The following CAMKMT variants were observed in gnomAD, a reference collection of about 807,000 sequenced individuals.
The protein encoded by CAMKMT is CaM KMT.
CAMKMT carries 53 observed loss-of-function variants against 48.0 expected under a neutral mutation model. That is an observed-to-expected ratio of 1.10 (90% CI 0.89 to 1.39). The LOEUF (loss-of-function observed/expected upper bound fraction) is 1.39, where lower values mean the gene tolerates loss of function less well. CAMKMT is among the 40% of genes most tolerant of loss of function. CAMKMT has a pLI of 0.00. For missense variants in CAMKMT, 428 were observed against 402.7 expected, an observed-to-expected ratio of 1.06 and a Z score of -0.54; for synonymous variants, 165 against 152.3, an observed-to-expected ratio of 1.08 and a Z score of -0.61.
chr2:44,461,732 T>G (rs1175661826), intron 3 of CAMKMT, among the ~76,000 whole-genome samples: 6 of 152,236 alleles, frequency 3.9e-5, no homozygotes, highest in Admixed American at 3.9e-4. Context: ...TCAAAATTTA[T>G]TTTGCTACAT....
chr2:44,368,728 G>C (rs190134896), intron 1 of CAMKMT, among the ~76,000 whole-genome samples: 88 of 151,956 alleles, frequency 5.8e-4, no homozygotes, highest in Non-Finnish European at 1.1e-3. Context: ...AGTTTAATTG[G>C]GCAAGATTGA....
intron 3 of CAMKMT, among the ~76,000 whole-genome samples, chr2:44,536,928 TA>T (rs1269657078): frequency 4.6e-5 from 7 of 151,954 alleles, no homozygotes; most frequent in Non-Finnish European, 7.4e-5. Flanking sequence ...GTCTCCTCAA[TA>T]AATGGTACTG....
intron 3 of CAMKMT, among the ~76,000 whole-genome samples, chr2:44,406,754 G>A (rs976056152): frequency 4.6e-5 from 7 of 152,128 alleles, no homozygotes; most frequent in African/African-American, 1.7e-4. Context: ...GCACTACCAG[G>A]CCCTGCTTGT....
chr2:44,396,280 C>G (rs1361363572), intron 3 of CAMKMT, among the ~76,000 whole-genome samples: 1 of 84,160 alleles, frequency 1.2e-5, no homozygotes, highest in East Asian at 2.1e-4. Flanking sequence ...TTTAAAGACC[C>G]TTTATTCAAA....
Position 44,743,706 on chromosome 2 carries a change from T to TA in CAMKMT, c.698+15dup. On this transcript the variant is annotated intron_variant, in intron 8 of 10. Transcript: ENST00000378494. ...TTATGTGTGCTGACTGGTAAGTACA[T>TA]AAAAATCACAAAACTCCTGTTAGAA... 2 of 1,602,734 alleles carry TA rather than the reference T, an allele frequency of 1.2e-6. No homozygotes were observed. The highest frequency in any genetic ancestry group is 1.7e-6 in the Non-Finnish European group (2 of 1,171,422).
At chr2:44,517,797 C>G (rs1418147990) in intron 3 of CAMKMT, among the ~76,000 whole-genome samples, 1 of 152,188 alleles carries the variant, frequency 6.6e-6, no homozygotes, top group Non-Finnish European at 1.5e-5. Flanking sequence ...TAGTTGACAT[C>G]TCTATCACAC....
At chr2:44,727,933 T>C (rs777517834) in intron 7 of CAMKMT, among the ~76,000 whole-genome samples, 10 of 152,160 alleles carry the variant, frequency 6.6e-5, no homozygotes, top group Non-Finnish European at 1.2e-4. Context: ...TATGCTTGTT[T>C]GTTTTTAGAG....
chr2:44,544,626 T>C (rs759674541), intron 3 of CAMKMT, among the ~76,000 whole-genome samples: 1 of 152,208 alleles, frequency 6.6e-6, no homozygotes, highest in Non-Finnish European at 1.5e-5. Flanking sequence ...TATCCAGTGC[T>C]AACATGTCAC....
intron 3 of CAMKMT, among the ~76,000 whole-genome samples, chr2:44,511,156 A>G (rs955110646): frequency 9.3e-5 from 14 of 151,136 alleles, no homozygotes; most frequent in Non-Finnish European, 2.1e-4. Flanking sequence ...TATCAATCTT[A>G]TGCCTTTTCA....
intron 3 of CAMKMT, among the ~76,000 whole-genome samples, chr2:44,556,182 A>C (rs917615072): frequency 1.3e-5 from 2 of 152,136 alleles, no homozygotes; most frequent in Non-Finnish European, 2.9e-5. Context: ...TCTGTCACCC[A>C]GGCTGGAGTG....
chr2:44,444,630 A>G (rs563143034), intron 3 of CAMKMT, among the ~76,000 whole-genome samples: 1 of 152,332 alleles, frequency 6.6e-6, no homozygotes, highest in East Asian at 1.9e-4. Flanking sequence ...TGTTCAAGTT[A>G]TACACACATA....
intron 3 of CAMKMT, among the ~76,000 whole-genome samples, chr2:44,446,378 G>A (rs75287965): frequency 0.055 from 8,398 of 151,924 alleles, 295 homozygotes; most frequent in South Asian, 0.14. Flanking sequence ...ACACAGTCTC[G>A]CTGTGTCACC....
chr2:44,600,056 T>G (rs1267321834), intron 3 of CAMKMT, among the ~76,000 whole-genome samples: 1 of 152,118 alleles, frequency 6.6e-6, no homozygotes, highest in Non-Finnish European at 1.5e-5. Flanking sequence ...TAAAAACCCA[T>G]GTTGGTTGAA....
At chr2:44,472,588 G>A (rs140392112) in intron 3 of CAMKMT, among the ~76,000 whole-genome samples, 9 of 152,188 alleles carry the variant, frequency 5.9e-5, no homozygotes, top group African/African-American at 2.2e-4. Context: ...AAAAATTTAT[G>A]GATGATACAA....
chr2:44,388,537 G>A (rs1024912181), intron 2 of CAMKMT, among the ~76,000 whole-genome samples: 13 of 152,232 alleles, frequency 8.5e-5, no homozygotes, highest in African/African-American at 1.2e-4. Context: ...GTCCGGATCC[G>A]TTGCTGGTTA....
intron 3 of CAMKMT, among the ~76,000 whole-genome samples, chr2:44,466,263 A>G (rs1269393945): frequency 6.6e-6 from 1 of 152,192 alleles, no homozygotes; most frequent in African/African-American, 2.4e-5. Flanking sequence ...TTCCAGTATA[A>G]ATCATGTTAG....
At chr2:44,638,056 AACC>A (rs200027310) in intron 3 of CAMKMT, among the ~76,000 whole-genome samples, 1,161 of 110,860 alleles carry the variant, frequency 0.01, 47 homozygotes, top group African/African-American at 0.026. Flanking sequence ...CTCCATCTCA[AACC>A]AAAAAAAAAA....
At chr2:44,753,446 AAAAC>A (rs1246463544) in intron 8 of CAMKMT, among the ~76,000 whole-genome samples, 1 of 151,988 alleles carries the variant, frequency 6.6e-6, no homozygotes, top group Non-Finnish European at 1.5e-5. Flanking sequence ...GAAAAGAAAA[AAAAC>A]AAAAAATCAA....
chr2:44,521,341 C>G (rs796294439), intron 3 of CAMKMT, among the ~76,000 whole-genome samples: 42 of 152,178 alleles, frequency 2.8e-4, no homozygotes, highest in Middle Eastern at 6.8e-3. Flanking sequence ...TGCAGTGGCA[C>G]AATCTCCACT....
Sources: allele counts gnomAD v4.1 joint callset (sites outside exome capture counted in the v4.1 genomes callset), GRCh38; gene constraint gnomAD v4.1.1; transcripts MANE v1.5; gene names NCBI Gene and HGNC (gene_info 2026-07-23, HGNC 2026-07-21).